TAF12: variants seen among roughly 807,000 people sequenced by gnomAD.
TAF12 encodes the protein TATA-box binding protein associated factor 12.
A neutral mutation model predicts 20.8 loss-of-function variants in TAF12; 3 were observed. The observed-to-expected ratio is 0.14, with a 90% CI of 0.07 to 0.37. TAF12 has a LOEUF of 0.37. Ranked by LOEUF, TAF12 falls within the 10% of genes least tolerant of loss-of-function variation. The pLI is 1.00. For synonymous variants in TAF12, 69 were observed against 70.2 expected (o/e 0.98, Z 0.09); for missense variants, 131 against 197.9 (o/e 0.66, Z 2.03).
intron 1 of TAF12, among the ~76,000 whole-genome samples, chr1:28,639,560 A>C (rs1667967091): frequency 6.6e-6 from 1 of 152,192 alleles, no homozygotes; most frequent in Non-Finnish European, 1.5e-5. Flanking sequence ...AAATGAAATG[A>C]AGTACATTTT....
At chr1:28,616,759 A>G (rs977498485) in intron 3 of TAF12, among the ~76,000 whole-genome samples, 1 of 152,052 alleles carries the variant, frequency 6.6e-6, no homozygotes, top group Non-Finnish European at 1.5e-5. Context: ...TAAATAAATA[A>G]AAGTTATATG....
intron 1 of TAF12, among the ~76,000 whole-genome samples, chr1:28,634,399 G>A (rs1176238216): frequency 2.3e-5 from 3 of 129,494 alleles, no homozygotes; most frequent in African/African-American, 6.0e-5. Context: ...TTGGGCGACA[G>A]AGCGAGACTC....
chr1:28,621,784 CA>C, intron 2 of TAF12, 129 bp downstream of exon 2: 2 of 1,393,692 alleles, frequency 1.4e-6, no homozygotes, highest in Non-Finnish European at 9.6e-7. Context: ...GTTAGAAATC[CA>C]AAAGAGGGAA....
intron 1 of TAF12, among the ~76,000 whole-genome samples, chr1:28,625,479 TC>T (rs1161715405): frequency 6.6e-6 from 1 of 151,606 alleles, no homozygotes; most frequent in Non-Finnish European, 1.5e-5. Flanking sequence ...CAAGCAATCC[TC>T]CTGTCTCAAC....
chr1:28,609,529 C>T (rs1666783836), intron 4 of TAF12, among the ~76,000 whole-genome samples: 2 of 152,008 alleles, frequency 1.3e-5, no homozygotes, highest in Non-Finnish European at 2.9e-5. Context: ...CTCTGTCGCC[C>T]AGGCTGGAGT....
Position 28,634,472 on chromosome 1 carries a change from T to C in TAF12, c.-85+8520A>G, listed in dbSNP as rs74547947. On this transcript the variant is annotated intron_variant, in intron 1 of 5. Transcript: ENST00000373824. ...AACAGGCATTAACTGTGGGACAGTT[T>C]GAGAGAACAATAATAATTAACCCTT... 6.9e-3 allele frequency among the ~76,000 whole-genome samples: 1,044 copies of C among 151,612 alleles called. 5 individuals carry two copies. The highest frequency in any genetic ancestry group is 0.024 in the African/African-American group (979 of 41,324).
chr1:28,611,751 G>A (rs1440384537), intron 4 of TAF12, among the ~76,000 whole-genome samples: 5 of 152,098 alleles, frequency 3.3e-5, no homozygotes, highest in African/African-American at 1.2e-4. Flanking sequence ...GCAGAACTGT[G>A]AGAGAAAATT....
At chr1:28,638,144 G>C (rs960710919) in intron 1 of TAF12, among the ~76,000 whole-genome samples, 8 of 151,726 alleles carry the variant, frequency 5.3e-5, no homozygotes, top group African/African-American at 1.9e-4. Flanking sequence ...GGGATTACAG[G>C]CGTCTGCCAC....
At chr1:28,609,277 C>T (rs1471736261) in intron 4 of TAF12, among the ~76,000 whole-genome samples, 1 of 151,908 alleles carries the variant, frequency 6.6e-6, no homozygotes, top group East Asian at 2.0e-4. Context: ...GGTTTCTCCA[C>T]GTTGGTCAGG....
At chr1:28,634,365 G>A (rs1427728763) in intron 1 of TAF12, among the ~76,000 whole-genome samples, 1 of 138,542 alleles carries the variant, frequency 7.2e-6, no homozygotes, top group East Asian at 2.1e-4. Context: ...GCAGTAGGCC[G>A]AGATCACACC....
chr1:28,634,402 C>T (rs1667745032), intron 1 of TAF12, among the ~76,000 whole-genome samples: 1 of 122,722 alleles, frequency 8.1e-6, no homozygotes, highest in East Asian at 2.4e-4. Flanking sequence ...GGCGACAGAG[C>T]GAGACTCCAT....
At chr1:28,645,039 C>CT (rs546596213), upstream of TAF12, among the ~76,000 whole-genome samples, 370 of 143,358 alleles carry the variant, frequency 2.6e-3, 2 homozygotes, top group East Asian at 0.014. Context: ...GATGAATTTT[C>CT]TTTTTTTTTT....
chr1:28,647,627 A>G (rs747882474), upstream of TAF12, among the ~76,000 whole-genome samples: 12 of 152,040 alleles, frequency 7.9e-5, no homozygotes, highest in Admixed American at 1.3e-4. Context: ...TAATCCCAGC[A>G]CTCTGGGAGG....
chr1:28,603,448 T>TC lies in TAF12; in HGVS notation c.*90_*91insG. The TC allele has an allele frequency of 7.2e-6, 10 of 1,383,688 alleles. No homozygotes were observed. The highest frequency in any genetic ancestry group is 8.2e-6 in the Non-Finnish European group (8 of 977,654). The allele number at this position is 1,383,688 out of a possible 1,614,324, so 85.7% of individuals were successfully genotyped here. ...AAAATATATGCTTCTCTGTAAAGCA[T>TC]TAAAAAAAAAAATCCAAGGATGAGA... On this transcript the variant is annotated 3_prime_UTR_variant, in exon 6 of 6. Transcript: ENST00000373824.
chr1:28,638,491 A>AT (rs140717375), intron 1 of TAF12, among the ~76,000 whole-genome samples: 1,599 of 95,258 alleles, frequency 0.017, 10 homozygotes, highest in Middle Eastern at 0.045. Context: ...GCCCGGCCTA[A>AT]TTTTTTTTTT....
intron 1 of TAF12, among the ~76,000 whole-genome samples, chr1:28,622,394 G>C (rs1667249202): frequency 6.7e-6 from 1 of 149,974 alleles, no homozygotes; most frequent in Non-Finnish European, 1.5e-5. Context: ...AGTAAAATGA[G>C]GTCTGTTAGA....
intron 1 of TAF12, among the ~76,000 whole-genome samples, chr1:28,633,636 G>T (rs968832519): frequency 6.6e-6 from 1 of 151,524 alleles, no homozygotes; most frequent in African/African-American, 2.4e-5. Flanking sequence ...AATTAGCCGG[G>T]TATGTTGGCT....
At chr1:28,636,559 G>A (rs1667829554) in intron 1 of TAF12, among the ~76,000 whole-genome samples, 1 of 148,734 alleles carries the variant, frequency 6.7e-6, no homozygotes, top group Non-Finnish European at 1.5e-5. Context: ...GGCAGGCTGA[G>A]CGGGAGGATC....
intron 1 of TAF12, among the ~76,000 whole-genome samples, chr1:28,629,430 G>A (rs528047861): frequency 1.3e-5 from 2 of 152,134 alleles, no homozygotes; most frequent in South Asian, 2.1e-4. Context: ...TTGGCCTCCC[G>A]GGTTCAAGCA....
Sources: gnomAD v4.1 joint callset for allele counts (sites outside exome capture counted in the v4.1 genomes callset) on GRCh38, gnomAD v4.1.1 for gene constraint, MANE v1.5 for transcripts, NCBI Gene and HGNC (gene_info 2026-07-23, HGNC 2026-07-21) for gene names.